ARSG: variants seen among roughly 807,000 people sequenced by gnomAD.
The protein encoded by ARSG is ASG.
Under a neutral mutation model 50.5 loss-of-function variants are expected in ARSG, and 37 were observed. The ratio of observed to expected loss-of-function variants is 0.73; its 90% CI spans 0.56 to 0.96. The LOEUF (loss-of-function observed/expected upper bound fraction) is 0.96, where lower values mean the gene tolerates loss of function less well. ARSG is among the 50% of genes least tolerant of loss of function. ARSG has a pLI of 0.00. For synonymous variants in ARSG, 225 were observed against 254.6 expected, an observed-to-expected ratio of 0.88 and a Z score of 1.11; for missense variants, 629 against 675.3, an observed-to-expected ratio of 0.93 and a Z score of 0.76.
the ARSG span, among the ~76,000 whole-genome samples, chr17:68,434,134 C>G: frequency 1.3e-5 from 2 of 152,162 alleles, 1 homozygote; most frequent in South Asian, 4.1e-4. Flanking sequence ...AAGGGAGGAA[C>G]TGTGCCTTCC....
the ARSG span, among the ~76,000 whole-genome samples, chr17:68,431,165 C>T: frequency 6.6e-6 from 1 of 152,100 alleles, no homozygotes; most frequent in Non-Finnish European, 1.5e-5. Context: ...CGGGTGTATA[C>T]AAAGAAAAAC....
upstream of ARSG, among the ~76,000 whole-genome samples, chr17:68,286,577 T>C (rs1193910280): frequency 6.6e-6 from 1 of 152,172 alleles, no homozygotes; most frequent in Non-Finnish European, 1.5e-5. Flanking sequence ...CGATCTTGGC[T>C]CACTGCAACC....
intron 1 of ARSG, among the ~76,000 whole-genome samples, chr17:68,292,856 GC>G (rs1211623001): frequency 1.3e-5 from 2 of 152,196 alleles, no homozygotes; most frequent in Non-Finnish European, 2.9e-5. Context: ...GGGCCGCTGA[GC>G]AGCTTTGCAA....
Position 68,339,925 on chromosome 17 carries a change from C to G in ARSG, c.219-3679C>G, listed in dbSNP as rs1486163680. Reference sequence around the variant, plus strand: ...TGAACAACCACTCCCAACACATCCACTGATCATCAGCTATTAGCTGGGGGA... The same window carrying G: ...TGAACAACCACTCCCAACACATCCAGTGATCATCAGCTATTAGCTGGGGGA... On this transcript the variant is annotated intron_variant, in intron 2 of 11. Transcript: ENST00000621439. Among the ~76,000 whole-genome samples the G allele has an allele frequency of 2.0e-5, 3 of 152,218 alleles. No homozygotes were observed. In the East Asian group the frequency reaches 5.8e-4, roughly 29 times the overall value.
rs1419793837 is a variant in ARSG, at chr17:68,410,486, G to A, written c.1303+9036G>A. On this transcript the variant is annotated intron_variant, in intron 11 of 11. Transcript: ENST00000621439. ...CAGGGATGAAGCCCACTTGATCATG[G>A]TGGATAAGCTTTTTGATGTTCTGCT... Among the ~76,000 whole-genome samples, 4 of 151,224 alleles carry A rather than the reference G, an allele frequency of 2.6e-5. No homozygotes were observed. In the East Asian group the frequency reaches 7.8e-4, roughly 29 times the overall value.
At chr17:68,373,703 G>A in intron 8 of ARSG, among the ~76,000 whole-genome samples, 1 of 152,084 alleles carries the variant, frequency 6.6e-6, no homozygotes. Context: ...ATCTCTTGGA[G>A]TATTGGTGTT....
intron 2 of ARSG, among the ~76,000 whole-genome samples, chr17:68,322,211 A>C (rs2077312074): frequency 6.6e-6 from 1 of 152,218 alleles, no homozygotes; most frequent in Admixed American, 6.5e-5. Flanking sequence ...TGTTCACCAG[A>C]TATTGCTGGG....
At chr17:68,272,557 G>A in intron 1 of ARSG, 1 of 1,520,642 alleles carries the variant, frequency 6.6e-7, no homozygotes, top group South Asian at 1.2e-5. Flanking sequence ...CATCCATACT[G>A]TTGGCAAAAG....
chr17:68,428,932 G>C, the ARSG span: 1 of 1,612,858 alleles, frequency 6.2e-7, no homozygotes, highest in Non-Finnish European at 8.5e-7. Flanking sequence ...GGCAACTTCT[G>C]GATCCTAAGG....
intron 2 of ARSG, among the ~76,000 whole-genome samples, chr17:68,310,769 C>T (rs1860828062): frequency 1.3e-5 from 2 of 152,196 alleles, no homozygotes; most frequent in African/African-American, 4.8e-5. Context: ...GTGGTAGTTT[C>T]TGCATCTGGT....
downstream of ARSG, among the ~76,000 whole-genome samples, chr17:68,423,304 C>T (rs1403592788): frequency 1.3e-5 from 2 of 152,282 alleles, no homozygotes; most frequent in East Asian, 3.9e-4. The surrounding 1 kb of genome is among the most constrained non-coding windows in gnomAD (Gnocchi z 4.4). Context: ...CTGAGATGGG[C>T]CATATTGATA....
At chr17:68,310,969 G>A (rs1319253001) in intron 2 of ARSG, among the ~76,000 whole-genome samples, 1 of 152,218 alleles carries the variant, frequency 6.6e-6, no homozygotes, top group Non-Finnish European at 1.5e-5. Context: ...AGGAGGCCAA[G>A]GTGGGCACAT....
At chr17:68,412,409 G>A (rs2082059771) in intron 11 of ARSG, among the ~76,000 whole-genome samples, 1 of 152,018 alleles carries the variant, frequency 6.6e-6, no homozygotes. Flanking sequence ...TGAAATTCTG[G>A]GTTGAAAATT....
intron 7 of ARSG, among the ~76,000 whole-genome samples, chr17:68,369,840 A>T (rs2079736735): frequency 6.6e-6 from 1 of 152,130 alleles, no homozygotes. Context: ...AACCTTACAA[A>T]AAGGCAAGAG....
At chr17:68,363,549 C>G (rs1352557073) in intron 6 of ARSG, among the ~76,000 whole-genome samples, 8 of 152,232 alleles carry the variant, frequency 5.3e-5, no homozygotes, top group Admixed American at 3.9e-4. Flanking sequence ...CTCACCGCAA[C>G]CTCTGCCTCC....
At chr17:68,434,447 G>A in the ARSG span, 1 of 1,078,510 alleles carries the variant, frequency 9.3e-7, no homozygotes, top group Non-Finnish European at 1.3e-6. Flanking sequence ...CTTCCTCCAG[G>A]TGAGTGGAGG....
At chr17:68,421,674 T>C (rs761028988), downstream of ARSG, 9 of 1,555,566 alleles carry the variant, frequency 5.8e-6, no homozygotes, top group Non-Finnish European at 8.0e-6. Flanking sequence ...CCTGCCCCCC[T>C]TTCTGCTCAC....
At chr17:68,443,921 A>G in the ARSG span, among the ~76,000 whole-genome samples, 3 of 152,236 alleles carry the variant, frequency 2.0e-5, no homozygotes, top group African/African-American at 4.8e-5. Flanking sequence ...TGCTATTTCA[A>G]TATAACAAAT....
intron 4 of ARSG, among the ~76,000 whole-genome samples, chr17:68,349,503 G>A (rs1275625157): frequency 6.6e-6 from 1 of 152,172 alleles, no homozygotes; most frequent in Non-Finnish European, 1.5e-5. Context: ...AGATGCAGTA[G>A]CATTTCAGGG....
Sources: allele counts gnomAD v4.1 joint callset (sites outside exome capture counted in the v4.1 genomes callset), GRCh38; gene constraint gnomAD v4.1.1; non-coding constraint Gnocchi (gnomAD v3.1); transcripts MANE v1.5; gene names NCBI Gene and HGNC (gene_info 2026-07-23, HGNC 2026-07-21).